PLA2G15: variants seen among roughly 807,000 people sequenced by gnomAD.
PLA2G15 encodes the protein phospholipase A2 group XV.
In PLA2G15, 20 loss-of-function variants were observed where a neutral mutation model predicts 40.9. That is an observed-to-expected ratio of 0.49 (90% CI 0.34 to 0.71). The LOEUF is 0.71. Ranked by LOEUF, PLA2G15 falls within the 30% of genes least tolerant of loss-of-function variation. The pLI is 0.01. For synonymous variants in PLA2G15, 223 were observed against 228.2 expected, an observed-to-expected ratio of 0.98 and a Z score of 0.21; for missense variants, 471 against 541.9, an observed-to-expected ratio of 0.87 and a Z score of 1.30.
chr16:68,248,855 G>T lies in PLA2G15; in HGVS notation c.128-435G>T, dbSNP rs2042331693. On this transcript the variant is annotated intron_variant, in intron 1 of 5. Coordinates refer to ENST00000219345, the MANE Select transcript of PLA2G15 (RefSeq NM_012320.4). ...GTTTGCTGGGGGTGATTCAGACCAAGATCTCATTTAACAGATACGGAAACT... is the reference window on the plus strand; with the variant it reads ...GTTTGCTGGGGGTGATTCAGACCAATATCTCATTTAACAGATACGGAAACT... 3.9e-5 allele frequency among the ~76,000 whole-genome samples: 6 copies of T among 152,192 alleles called. No individual in the cohort carries two copies. In the South Asian group the frequency reaches 1.2e-3, roughly 31 times the overall value.
chr16:68,258,945 G>A (rs1289613686), intron 5 of PLA2G15: 3 of 588,650 alleles, frequency 5.1e-6, no homozygotes, highest in East Asian at 5.7e-5. Context: ...GGGCAACAGA[G>A]TGAGACCCTG....
rs187787793 is a variant in PLA2G15 at position 68,257,767 on chromosome 16, G to A, written c.728-1379G>A. On this transcript the variant is annotated intron_variant, in intron 5 of 5. Transcript: ENST00000219345. ...TATAGCCACCACTTCGGTCTAGCCT[G>A]GGCCTGGAGGGACGGATGTGGGCAT... Among the ~76,000 whole-genome samples the A allele has an allele frequency of 2.6e-4, 39 of 152,330 alleles. 1 individual carries two copies. Among genetic ancestry groups the A allele is most frequent in the Admixed American group, 2.5e-3 (38 of 15,300 alleles).
rs558134321 is a variant in PLA2G15 at position 68,254,503 on chromosome 16, G to A, written c.285-416G>A. Reference sequence around the variant, plus strand: ...TTACAGTCGCCTCCCACGACACCCGGCTGATTTTGTATCTTTAGTAGAGAT... The same window carrying A: ...TTACAGTCGCCTCCCACGACACCCGACTGATTTTGTATCTTTAGTAGAGAT... On this transcript the variant is annotated intron_variant, in intron 2 of 5. Coordinates refer to ENST00000219345, the MANE Select transcript of PLA2G15 (RefSeq NM_012320.4). The A allele has an allele frequency of 8.2e-5, 13 of 158,930 alleles. No homozygotes were observed. The South Asian group carries it at 2.0e-3, about 24-fold the overall frequency. The allele number at this position is 158,930 out of a possible 1,614,324, so 9.8% of individuals were successfully genotyped here. A position where few individuals can be genotyped will look rare whatever the true frequency, so the allele number is the denominator to read the frequency against.
At chr16:68,258,197 C>T (rs1185418487) in intron 5 of PLA2G15, among the ~76,000 whole-genome samples, 1 of 152,252 alleles carries the variant, frequency 6.6e-6, no homozygotes, top group Non-Finnish European at 1.5e-5. Flanking sequence ...CTGCAGCCTC[C>T]CCTCGTGCCC....
intron 5 of PLA2G15, chr16:68,258,769 T>G: frequency 5.0e-6 from 1 of 201,196 alleles, no homozygotes; most frequent in Non-Finnish European, 1.0e-5. Context: ...GGTGACAGAA[T>G]GAGACCCTAC....
At chr16:68,257,601 A>G (rs183424663) in intron 5 of PLA2G15, among the ~76,000 whole-genome samples, 6 of 152,294 alleles carry the variant, frequency 3.9e-5, no homozygotes, top group African/African-American at 9.6e-5. Flanking sequence ...TTTGGGAGCT[A>G]TGAGCCAGGG....
At chr16:68,252,435 A>T (rs117199628) in intron 2 of PLA2G15, 13,784 of 389,762 alleles carry the variant, frequency 0.035, 311 homozygotes, top group Middle Eastern at 0.13. Context: ...CCTCGCACAG[A>T]GGCACAAGGC....
At position 68,255,849 on chromosome 16, in the gene PLA2G15, G is replaced by A. The variant is rs905937868; in HGVS notation, c.586G>A (p.Ala196Thr). ...QLYGGPVVLV[A>T]HSMGNMYTLY... ...GTATGGGGGCCCCGTGGTGCTGGTT[G>A]CCCACAGTATGGGCAACATGTACAC... is the stretch of plus-strand genomic sequence containing the variant. The change falls in exon 5 of 6, where the codon GCC (alanine) becomes ACC (threonine). Residue 196 changes from alanine to threonine, a missense_variant. Ala to Thr is a moderately conservative substitution (Grantham distance 58). Coordinates refer to ENST00000219345, the MANE Select transcript of PLA2G15 (RefSeq NM_012320.4). This position sits in a 1 kb window ranked among gnomAD's most constrained non-coding sequence, Gnocchi z 5.9. The A allele has an allele frequency of 3.7e-6, 6 of 1,614,136 alleles. No individual in the cohort carries two copies. The highest frequency in any genetic ancestry group is 5.1e-6 in the Non-Finnish European group (6 of 1,179,982).
At chr16:68,253,688 T>TGTG (rs2042374088) in intron 2 of PLA2G15, among the ~76,000 whole-genome samples, 1 of 143,076 alleles carries the variant, frequency 7.0e-6, no homozygotes, top group Non-Finnish European at 1.5e-5. Context: ...TGTGTTTTGT[T>TGTG]TTGTTTTTTT....
chr16:68,259,878 A>G lies in PLA2G15; in HGVS notation c.*221A>G. 1.7e-6 allele frequency: 1 copy of G among 588,610 alleles called. No individual in the cohort carries two copies. Among genetic ancestry groups the G allele is most frequent in the Non-Finnish European group, 3.0e-6 (1 of 331,478 alleles). 36.5% of individuals were successfully genotyped at this position (588,610 alleles called of 1,614,324 possible). A position where few individuals can be genotyped will look rare whatever the true frequency, so the allele number is the denominator to read the frequency against. On this transcript the variant is annotated 3_prime_UTR_variant, in exon 6 of 6. Coordinates refer to ENST00000219345, the MANE Select transcript of PLA2G15 (RefSeq NM_012320.4). The surrounding 1 kb of genome is among the most constrained non-coding windows in gnomAD (Gnocchi z 6.5). ...CTAGACTCAAGGGACACTGGATGGC[A>G]AGAATGCTGCTGATGGTGGAACTGC...
In PLA2G15 at chr16:68,252,475, G is replaced by T; in HGVS notation, c.285-2444G>T. 4 of 450,332 alleles carry T rather than the reference G, an allele frequency of 8.9e-6. No homozygotes were observed. In the East Asian group the frequency reaches 2.8e-4, roughly 32 times the overall value. 27.9% of individuals were successfully genotyped at this position (450,332 alleles called of 1,614,324 possible). A position where few individuals can be genotyped will look rare whatever the true frequency, so the allele number is the denominator to read the frequency against. On this transcript the variant is annotated intron_variant, in intron 2 of 5. Transcript: ENST00000219345. ...CTCCTGGTATAAGGTGTCTCCCCTG[G>T]CCCATCACCCTGTTCCCATCATTTC...
Position 68,256,374 on chromosome 16 carries a change from A to G in PLA2G15, c.727+384A>G, listed in dbSNP as rs115012143. On this transcript the variant is annotated intron_variant, in intron 5 of 5. Coordinates refer to ENST00000219345, the MANE Select transcript of PLA2G15 (RefSeq NM_012320.4). ...TGATTTATGGTTAAGTACGTGCACAAGAAACAGTAGATAAAGTGGAAATCT... is the reference window on the plus strand; with the variant it reads ...TGATTTATGGTTAAGTACGTGCACAGGAAACAGTAGATAAAGTGGAAATCT... 791 of 167,236 alleles carry G rather than the reference A, an allele frequency of 4.7e-3. 8 individuals carry two copies. The highest frequency in any genetic ancestry group is 0.017 in the African/African-American group (721 of 42,086). The allele number at this position is 167,236 out of a possible 1,614,324, so 10.4% of individuals were successfully genotyped here.
At chr16:68,249,212 C>T in intron 1 of PLA2G15, 78 bp from the exon 2 acceptor site, 1 of 1,201,662 alleles carries the variant, frequency 8.3e-7, no homozygotes, top group Admixed American at 1.9e-5. Context: ...TTCAGGGGGT[C>T]TGCTGCAGAC....
In PLA2G15 at chr16:68,255,199, C is replaced by A; in HGVS notation, c.404-83C>A. On this transcript the variant is annotated intron_variant, in intron 3 of 5. Coordinates refer to ENST00000219345, the MANE Select transcript of PLA2G15 (RefSeq NM_012320.4). The surrounding 1 kb of genome is among the most constrained non-coding windows in gnomAD (Gnocchi z 5.9). The stretch of plus-strand genomic sequence containing the variant: ...TAGCATTCTTCCAAGGACCTGCTAG[C>A]TGTCACAGTCTCCATGCTGGGCATA... 1 of 1,085,600 alleles carries A rather than the reference C, an allele frequency of 9.2e-7. No homozygotes were observed. The highest frequency in any genetic ancestry group is 1.4e-6 in the Non-Finnish European group (1 of 706,648). 67.2% of individuals were successfully genotyped at this position (1,085,600 alleles called of 1,614,324 possible). A position where few individuals can be genotyped will look rare whatever the true frequency, so the allele number is the denominator to read the frequency against.
chr16:68,256,053 C>T, intron 5 of PLA2G15, 63 bp downstream of exon 5: 1 of 1,066,128 alleles, frequency 9.4e-7, no homozygotes, highest in Non-Finnish European at 1.4e-6. Context: ...CTCTTCCCTT[C>T]CTAAGTGTCC....
rs144262071 is a variant in PLA2G15 at position 68,255,108 on chromosome 16, G to T, written c.403+71G>T. On this transcript the variant is annotated intron_variant, in intron 3 of 5. Transcript: ENST00000219345. The surrounding 1 kb of genome is among the most constrained non-coding windows in gnomAD (Gnocchi z 5.9). ...CTGCCGGACTGGAGCTGGAGCTGGA[G>T]GAACTCTGCTGGTTTGTAGGGACAG... is the stretch of plus-strand genomic sequence containing the variant. 285 of 1,146,366 alleles carry T rather than the reference G, an allele frequency of 2.5e-4. No individual in the cohort carries two copies. Among genetic ancestry groups the T allele is most frequent in the Non-Finnish European group, 3.6e-4 (275 of 756,602 alleles). 71.0% of individuals were successfully genotyped at this position (1,146,366 alleles called of 1,614,324 possible). A position where few individuals can be genotyped will look rare whatever the true frequency, so the allele number is the denominator to read the frequency against.
In PLA2G15 at chr16:68,255,087, C is replaced by A. The variant is rs372314597; in HGVS notation, c.403+50C>A. ...CCGGGAGCTGGGATGGGGTTTCTGCCGGACTGGAGCTGGAGCTGGAGGAAC... is the reference window on the plus strand; with the variant it reads ...CCGGGAGCTGGGATGGGGTTTCTGCAGGACTGGAGCTGGAGCTGGAGGAAC... On this transcript the variant is annotated intron_variant, in intron 3 of 5. Coordinates refer to ENST00000219345, the MANE Select transcript of PLA2G15 (RefSeq NM_012320.4). The surrounding 1 kb of genome is among the most constrained non-coding windows in gnomAD (Gnocchi z 5.9). 1 of 1,268,578 alleles carries A rather than the reference C, an allele frequency of 7.9e-7. No individual in the cohort carries two copies. Among genetic ancestry groups the A allele is most frequent in the Non-Finnish European group, 1.2e-6 (1 of 866,876 alleles). 78.6% of individuals were successfully genotyped at this position (1,268,578 alleles called of 1,614,324 possible). A position where few individuals can be genotyped will look rare whatever the true frequency, so the allele number is the denominator to read the frequency against.
At position 68,248,604 on chromosome 16, in the gene PLA2G15, C is replaced by G. The variant is rs369909881; in HGVS notation, c.128-686C>G. 5.0e-5 allele frequency: 14 copies of G among 282,288 alleles called. No individual in the cohort carries two copies. The East Asian group carries it at 1.7e-3, about 34-fold the overall frequency. 17.5% of individuals were successfully genotyped at this position (282,288 alleles called of 1,614,324 possible). On this transcript the variant is annotated intron_variant, in intron 1 of 5. Transcript: ENST00000219345. ...CTTTCACCATATTGGCCAAGCTGGTCTTGAACTCCTGACCGCAAGTGATCC... is the reference window on the plus strand; with the variant it reads ...CTTTCACCATATTGGCCAAGCTGGTGTTGAACTCCTGACCGCAAGTGATCC...
chr16:68,256,005 G>GAA lies in PLA2G15; in HGVS notation c.727+15_727+16insAA. The stretch of plus-strand genomic sequence containing the variant: ...CCTGGCTTCAGGTAAGACCCTACCT[G>GAA]GCCCAGCGTGGGGGGCTGTTGCCAG... On this transcript the variant is annotated intron_variant, in intron 5 of 5. Coordinates refer to ENST00000219345, the MANE Select transcript of PLA2G15 (RefSeq NM_012320.4). 6.5e-7 allele frequency: 1 copy of GAA among 1,538,254 alleles called. No homozygotes were observed. The highest frequency in any genetic ancestry group is 8.9e-7 in the Non-Finnish European group (1 of 1,124,286).
Sources: gnomAD v4.1 joint callset for allele counts (sites outside exome capture counted in the v4.1 genomes callset) on GRCh38, gnomAD v4.1.1 for gene constraint, Gnocchi (gnomAD v3.1) non-coding constraint, MANE v1.5 for transcripts, NCBI Gene and HGNC (gene_info 2026-07-23, HGNC 2026-07-21) for gene names.